DOCK8: variants seen among roughly 807,000 people sequenced by gnomAD.
DOCK8 encodes dedicator of cytokinesis protein 8.
DOCK8 carries 141 observed loss-of-function variants against 245.6 expected under a neutral mutation model. The observed-to-expected ratio is 0.57, with a 90% CI of 0.50 to 0.66. The LOEUF is 0.66. Ranked by LOEUF, DOCK8 falls within the 30% of genes least tolerant of loss-of-function variation. The probability of loss-of-function intolerance (pLI) is 0.00; values close to 1 mark genes in which losing one functional copy is unlikely to be tolerated. For missense variants in DOCK8, 2,965 were observed against 2,603.4 expected (o/e 1.14, Z -3.02); for synonymous variants, 1,168 against 970.2 (o/e 1.20, Z -3.79).
chr9:346,098 G>T (rs2051870783), intron 14 of DOCK8, among the ~76,000 whole-genome samples: 1 of 151,888 alleles, frequency 6.6e-6, no homozygotes, highest in African/African-American at 2.4e-5. Context: ...ACCAGAGCCA[G>T]GCAGGACACT....
intron 7 of DOCK8, 86 bp downstream of exon 7, chr9:317,214 A>G (rs777091705): frequency 4.4e-6 from 5 of 1,124,508 alleles, no homozygotes; most frequent in Non-Finnish European, 6.6e-6. Context: ...CAGAGCTTGA[A>G]TCAAAGCGGA....
chr9:334,288 T>C lies in DOCK8; in HGVS notation c.1189T>C (p.Tyr397His), dbSNP rs770926267. The change falls in exon 11 of 48, where the codon TAC becomes CAC. Residue 397 changes from tyrosine to histidine, a missense_variant. Around this residue, in one of 3 missense-constraint regions of DOCK8, gnomAD observed 2,825 missense variants for 2,453.5 expected, o/e 1.15. Coordinates refer to ENST00000432829, the MANE Select transcript of DOCK8 (RefSeq NM_203447.4). ...ATCCTTCTGCCAGCGTTTGGGGAAA[T>C]ACCGGATGCCCTTTGCCTGGGCACC... is the stretch of plus-strand genomic sequence containing the variant. ...AESFCQRLGK[Y>H]RMPFAWAPIS... 10 of 1,614,078 alleles carry C rather than the reference T, an allele frequency of 6.2e-6. No individual in the cohort carries two copies. In the Admixed American group the frequency reaches 1.3e-4, roughly 22 times the overall value.
rs116020104 is a variant in DOCK8 at position 445,161 on chromosome 9, G to A, written c.5581-1209G>A. Among the ~76,000 whole-genome samples, 523 of 152,332 alleles carry A rather than the reference G, an allele frequency of 3.4e-3. 4 individuals are homozygous for A. The highest frequency in any genetic ancestry group is 0.012 in the African/African-American group (503 of 41,568). On this transcript the variant is annotated intron_variant, in intron 43 of 47. Coordinates refer to ENST00000432829, the MANE Select transcript of DOCK8 (RefSeq NM_203447.4). ...CTTCAGACACACATGTCTGGGAGAT[G>A]GAGTTGGCCGTGTGCCCACAGTGAT...
chr9:247,377 C>T (rs1473124181), intron 1 of DOCK8, among the ~76,000 whole-genome samples: 1 of 152,124 alleles, frequency 6.6e-6, no homozygotes, highest in Non-Finnish European at 1.5e-5. Context: ...ACTTGAATTT[C>T]CTAATCTTTT....
intron 44 of DOCK8, among the ~76,000 whole-genome samples, chr9:447,518 G>C (rs943660061): frequency 2.6e-5 from 4 of 152,076 alleles, no homozygotes; most frequent in Non-Finnish European, 4.4e-5. Flanking sequence ...TTTTCTCCCC[G>C]AGACTTTGAC....
chr9:359,146 C>T (rs76047972), intron 14 of DOCK8, among the ~76,000 whole-genome samples: 1,709 of 152,256 alleles, frequency 0.011, 37 homozygotes, highest in African/African-American at 0.039. Flanking sequence ...TTGGACTGCC[C>T]TTTGAGTAGT....
intron 20 of DOCK8, 79 bp from the exon 21 acceptor site, chr9:379,692 C>G: frequency 1.3e-6 from 2 of 1,510,288 alleles, no homozygotes; most frequent in Non-Finnish European, 1.8e-6. Flanking sequence ...GACTCATTGT[C>G]ACTGTCCTGG....
At chr9:362,528 G>A (rs1202929417) in intron 14 of DOCK8, among the ~76,000 whole-genome samples, 4 of 152,142 alleles carry the variant, frequency 2.6e-5, no homozygotes, top group African/African-American at 4.8e-5. Flanking sequence ...GCAACCAGTT[G>A]ACACTGGAGC....
intron 26 of DOCK8, among the ~76,000 whole-genome samples, chr9:400,169 CCACCATCACCACCTCCTT>C (rs2054770437): frequency 1.9e-5 from 2 of 106,052 alleles, no homozygotes; most frequent in Non-Finnish European, 3.8e-5. Flanking sequence ...ACCACCACCT[CCACCATCACCACCTCCTT>C]CACCATCACC....
chr9:371,405 T>C, intron 16 of DOCK8, 23 bp from the exon 17 acceptor site: 1 of 1,614,156 alleles, frequency 6.2e-7, no homozygotes, highest in Non-Finnish European at 8.5e-7. Flanking sequence ...AAGTTATTTG[T>C]GTATAATGTG....
intron 36 of DOCK8, 94 bp from the exon 37 acceptor site, chr9:432,072 A>G: frequency 7.8e-7 from 1 of 1,277,854 alleles, no homozygotes; most frequent in Non-Finnish European, 1.1e-6. Context: ...GGAAACACTG[A>G]GGAGTTGTTT....
chr9:297,884 T>C (rs1413411412), intron 4 of DOCK8, among the ~76,000 whole-genome samples: 1 of 152,176 alleles, frequency 6.6e-6, no homozygotes, highest in Non-Finnish European at 1.5e-5. Flanking sequence ...TCTTAATGCT[T>C]TCCATAGCAA....
intron 9 of DOCK8, 91 bp downstream of exon 9, chr9:328,262 G>C: frequency 3.5e-6 from 5 of 1,441,556 alleles, no homozygotes; most frequent in Non-Finnish European, 4.8e-6. Context: ...ATCTCAGAAT[G>C]TGTCCACATA....
chr9:386,937 C>G (rs1451179434), intron 23 of DOCK8, among the ~76,000 whole-genome samples: 1 of 152,172 alleles, frequency 6.6e-6, no homozygotes, highest in Admixed American at 6.5e-5. Context: ...CACAATCAGC[C>G]TTACCTATGA....
chr9:376,249 G>C lies in DOCK8; in HGVS notation c.2149G>C (p.Gly717Arg), dbSNP rs1563981899. The C allele has an allele frequency of 1.9e-6, 3 of 1,613,300 alleles. No homozygotes were observed. In the East Asian group the frequency reaches 6.7e-5, roughly 36 times the overall value. The change falls in exon 19 of 48, where the codon GGA becomes CGA. Residue 717 changes from glycine to arginine, a missense_variant. This residue lies in a region of DOCK8 where 2,825 missense variants were observed against 2,453.5 expected (regional missense o/e 1.15). Coordinates refer to ENST00000432829, the MANE Select transcript of DOCK8 (RefSeq NM_203447.4). ...GAATCCTCCCATTAAGTGGGCTGAA[G>C]GACATAAGGGAGTATTTAATATTGA... ...LQNPPIKWAE[G>R]HKGVFNIEVQ...
At position 451,906 on chromosome 9, in the gene DOCK8, C is replaced by T. The variant is rs7870124; in HGVS notation, c.5962-105C>T. On this transcript the variant is annotated intron_variant, in intron 45 of 47. Transcript: ENST00000432829. ...ATACATATATATGCATATACATATA[C>T]ATATGCATATACATATATATGTATG... 17,387 of 60,130 alleles carry T rather than the reference C, an allele frequency of 0.29. 1,032 individuals are homozygous for T. Among genetic ancestry groups the T allele is most frequent in the South Asian group, 0.44 (1,653 of 3,742 alleles). The allele number at this position is 60,130 out of a possible 1,614,324, so 3.7% of individuals were successfully genotyped here.
intron 34 of DOCK8, among the ~76,000 whole-genome samples, chr9:427,830 C>G (rs1381642426): frequency 6.6e-6 from 1 of 152,110 alleles, no homozygotes; most frequent in Non-Finnish European, 1.5e-5. Flanking sequence ...TCACATTTAC[C>G]TTATCTTTAT....
intron 10 of DOCK8, among the ~76,000 whole-genome samples, chr9:333,360 G>A (rs1465559118): frequency 1.3e-5 from 2 of 152,172 alleles, no homozygotes; most frequent in Non-Finnish European, 2.9e-5. Flanking sequence ...CCAGCACTTT[G>A]GGAGGCCAAG....
intron 14 of DOCK8, among the ~76,000 whole-genome samples, chr9:342,584 C>G (rs2051662633): frequency 6.6e-6 from 1 of 150,996 alleles, no homozygotes; most frequent in Admixed American, 6.6e-5. Flanking sequence ...ATTCTCCTGA[C>G]TCAGCTGCCC....
Sources: allele counts gnomAD v4.1 joint callset (sites outside exome capture counted in the v4.1 genomes callset), GRCh38; gene constraint gnomAD v4.1.1; regional missense constraint gnomAD v4.1.1; transcripts MANE v1.5; gene names NCBI Gene and HGNC (gene_info 2026-07-23, HGNC 2026-07-21).